The following ELP1 variants were observed in gnomAD, a reference collection of about 807,000 sequenced individuals.
ELP1 encodes the protein elongator acetyltransferase complex subunit 1, also known as elongator complex protein 1.
In ELP1, 131 loss-of-function variants were observed where a neutral mutation model predicts 183.2. That is an observed-to-expected ratio of 0.72 (90% CI 0.62 to 0.83). The LOEUF is 0.83. ELP1 is among the 40% of genes least tolerant of loss of function. The probability of loss-of-function intolerance (pLI) is 0.00; values close to 1 mark genes in which losing one functional copy is unlikely to be tolerated. For synonymous variants in ELP1, 555 were observed against 569.0 expected (o/e 0.98, Z 0.35); for missense variants, 1,550 against 1,594.9 (o/e 0.97, Z 0.48).
intron 22 of ELP1, among the ~76,000 whole-genome samples, chr9:108,897,777 A>T (rs910689843): frequency 6.6e-6 from 1 of 152,226 alleles, no homozygotes; most frequent in Non-Finnish European, 1.5e-5. Flanking sequence ...ATTGAAAGGA[A>T]TCTGAAGCAG....
chr9:108,880,083 C>T lies in ELP1; in HGVS notation c.3429G>A (p.Glu1143=). 6.2e-7 allele frequency: 1 copy of T among 1,614,026 alleles called. No individual in the cohort carries two copies. Among genetic ancestry groups the T allele is most frequent in the Admixed American group, 1.7e-5 (1 of 60,036 alleles). ...RHKKRLLVVR[E]LKEQAQQAGL... is the part of the protein sequence containing the mutation. ...CTGCCTGCTGGGCTTGCTCCTTGAG[C>T]TCTCGAACTACCAATAAACGTTTCT... The change falls in exon 32 of 37, where the codon GAG becomes GAA. Residue 1143 remains glutamate (E), a synonymous_variant. Transcript: ENST00000374647.
At chr9:108,902,103 T>C (rs1000889010) in intron 16 of ELP1, among the ~76,000 whole-genome samples, 3 of 152,242 alleles carry the variant, frequency 2.0e-5, no homozygotes, top group Admixed American at 6.5e-5. Flanking sequence ...AATTCCCTCC[T>C]ATGACTGTCA....
At chr9:108,880,222 C>CT in intron 31 of ELP1, 57 bp from the exon 32 acceptor site, 3 of 1,173,176 alleles carry the variant, frequency 2.6e-6, no homozygotes, top group Non-Finnish European at 3.9e-6. Context: ...AGAGAAAAAA[C>CT]TAAAGGCGGG....
chr9:108,903,583 T>C lies in ELP1; in HGVS notation c.1730A>G (p.Gln577Arg), dbSNP rs879254309. 1.9e-6 allele frequency: 3 copies of C among 1,613,042 alleles called. No homozygotes were observed. Among genetic ancestry groups the C allele is most frequent in the Middle Eastern group, 1.7e-4 (1 of 6,058 alleles). ...CTCACCCCAAAGGTACTTAAATATC[T>C]GGCCATCAGCCAGCTGTAATACTAC... The part of the protein sequence containing the change: ...KSVVLQLADG[Q>R]IFKYLWESPS... Residue 577 changes from glutamine to arginine, a missense_variant, in exon 15 of 37, where the codon CAG becomes CGG. By Grantham distance (43) the Gln-to-Arg change is conservative. Coordinates refer to ENST00000374647, the MANE Select transcript of ELP1 (RefSeq NM_003640.5).
intron 36 of ELP1, among the ~76,000 whole-genome samples, chr9:108,870,709 T>C (rs889695442): frequency 6.6e-6 from 1 of 152,184 alleles, no homozygotes; most frequent in African/African-American, 2.4e-5. Flanking sequence ...CTTCCACAGT[T>C]TCTTTTAGTT....
chr9:108,886,612 A>AT (rs1828131398), intron 29 of ELP1, among the ~76,000 whole-genome samples: 1 of 152,226 alleles, frequency 6.6e-6, no homozygotes, highest in South Asian at 2.1e-4. Context: ...TTTAACACCC[A>AT]TTCATGATAC....
At position 108,897,324 on chromosome 9, in the gene ELP1, A is replaced by G. The variant is rs756510058; in HGVS notation, c.2364-39T>C. 5 of 1,612,190 alleles carry G rather than the reference A, an allele frequency of 3.1e-6. No homozygotes were observed. In the Admixed American group the frequency reaches 5.0e-5, roughly 16 times the overall value. ...TGTATGGAATGGTCATCAACAGAAC[A>G]TGTAGCCCAGCGATCAAATTACTAA... On this transcript the variant is annotated intron_variant, in intron 22 of 36. Coordinates refer to ENST00000374647, the MANE Select transcript of ELP1 (RefSeq NM_003640.5).
rs763526417 is a variant in ELP1 at position 108,882,148 on chromosome 9, C to G, written c.3262G>C (p.Ala1088Pro). ...EAVLLLLEGA[A>P]WEEALRLVYK... ...ACCAGCCTCAAAGCTTCTTCCCAGGCAGCTCCTTCTAACAGCAAGAGCACA... is the reference window on the plus strand; with the variant it reads ...ACCAGCCTCAAAGCTTCTTCCCAGGGAGCTCCTTCTAACAGCAAGAGCACA... Residue 1088 changes from alanine to proline, a missense_variant, in exon 30 of 37, where the codon GCC becomes CCC. Coordinates refer to ENST00000374647, the MANE Select transcript of ELP1 (RefSeq NM_003640.5). 6.2e-7 allele frequency: 1 copy of G among 1,613,546 alleles called. No individual in the cohort carries two copies. The highest frequency in any genetic ancestry group is 1.3e-5 in the African/African-American group (1 of 74,928).
chr9:108,897,661 G>A (rs951454698), intron 22 of ELP1, among the ~76,000 whole-genome samples: 6 of 152,228 alleles, frequency 3.9e-5, no homozygotes, highest in Non-Finnish European at 8.8e-5. Context: ...TTATGCAGAA[G>A]AGTAATACTG....
At chr9:108,891,528 A>T in intron 27 of ELP1, 124 bp from the exon 28 acceptor site, 1 of 854,286 alleles carries the variant, frequency 1.2e-6, no homozygotes, top group Non-Finnish European at 1.9e-6. Context: ...GGAAAATCTT[A>T]CAGTTGATCA....
intron 29 of ELP1, among the ~76,000 whole-genome samples, chr9:108,885,184 TAAAA>T (rs141787349): frequency 0.032 from 4,774 of 151,182 alleles, 95 homozygotes; most frequent in Non-Finnish European, 0.046. Flanking sequence ...AATAAAATAA[TAAAA>T]AAAGAATGAT....
In ELP1 at chr9:108,877,991, T is replaced by C; in HGVS notation, c.3855+4A>G. The C allele has an allele frequency of 6.2e-7, 1 of 1,614,178 alleles. No individual in the cohort carries two copies. Among genetic ancestry groups the C allele is most frequent in the Non-Finnish European group, 8.5e-7 (1 of 1,180,024 alleles). On this transcript the variant is annotated splice_donor_region_variant and intron_variant, in intron 35 of 36. Transcript: ENST00000374647. ...AAATGCACACCGTCTCTGAGAAAAC[T>C]TACCGGGGTAGCTGAATTCTGCTGG...
chr9:108,914,010 A>C (rs1160920118), intron 10 of ELP1, among the ~76,000 whole-genome samples: 1 of 152,154 alleles, frequency 6.6e-6, no homozygotes, highest in Non-Finnish European at 1.5e-5. Flanking sequence ...TGAACTCTTG[A>C]GATGAAGCCT....
intron 12 of ELP1, among the ~76,000 whole-genome samples, chr9:108,909,621 G>A (rs1829139381): frequency 6.6e-6 from 1 of 152,152 alleles, no homozygotes; most frequent in South Asian, 2.1e-4. Context: ...TCATGGATTT[G>A]TTATGATCTT....
chr9:108,886,485 G>A (rs1164488674), intron 29 of ELP1, among the ~76,000 whole-genome samples: 1 of 152,198 alleles, frequency 6.6e-6, no homozygotes, highest in Non-Finnish European at 1.5e-5. Context: ...ATAATACCAA[G>A]TGGGGTTGAA....
At chr9:108,907,326 C>T (rs1341899480) in intron 13 of ELP1, among the ~76,000 whole-genome samples, 3 of 152,240 alleles carry the variant, frequency 2.0e-5, no homozygotes, top group South Asian at 2.1e-4. Flanking sequence ...ATATTCTAAA[C>T]TGCCTCATAC....
At chr9:108,917,805 GTTTTAAATCCCATGTGTCCC>G in intron 8 of ELP1, 135 bp from the exon 9 acceptor site, 1 of 1,011,124 alleles carries the variant, frequency 9.9e-7, no homozygotes, top group Non-Finnish European at 1.5e-6. Context: ...ATCCAAGGAA[GTTTTAAATCCCATGTGTCCC>G]TTGTCTCTCG....
At chr9:108,925,262 C>T (rs1829791511) in intron 5 of ELP1, among the ~76,000 whole-genome samples, 1 of 152,188 alleles carries the variant, frequency 6.6e-6, no homozygotes, top group African/African-American at 2.4e-5. Flanking sequence ...TCAACTATAA[C>T]TCAATGTCCA....
chr9:108,930,844 G>A (rs1829979493), intron 2 of ELP1, among the ~76,000 whole-genome samples, 153 bp downstream of exon 2: 1 of 152,190 alleles, frequency 6.6e-6, no homozygotes, highest in African/African-American at 2.4e-5. Flanking sequence ...TTTAAGCTAT[G>A]TCTAACATGG....
Sources: gnomAD v4.1 joint callset for allele counts (sites outside exome capture counted in the v4.1 genomes callset) on GRCh38, gnomAD v4.1.1 for gene constraint, MANE v1.5 for transcripts, NCBI Gene and HGNC (gene_info 2026-07-23, HGNC 2026-07-21) for gene names.